CTNNA3: variants seen among roughly 807,000 people sequenced by gnomAD.
CTNNA3 encodes catenin alpha-3.
A neutral mutation model predicts 95.7 loss-of-function variants in CTNNA3; 76 were observed. The ratio of observed to expected loss-of-function variants is 0.79; its 90% CI spans 0.66 to 0.96. CTNNA3 has a LOEUF of 0.96. Ranked by LOEUF, CTNNA3 falls within the 40% of genes least tolerant of loss-of-function variation. CTNNA3 has a pLI of 0.00. For synonymous variants in CTNNA3, 431 were observed against 374.4 expected, an observed-to-expected ratio of 1.15 and a Z score of -1.74; for missense variants, 1,191 against 1,089.8, an observed-to-expected ratio of 1.09 and a Z score of -1.31.
At chr10:66,684,050 G>A (rs991259579) in intron 9 of CTNNA3, among the ~76,000 whole-genome samples, 1 of 152,154 alleles carries the variant, frequency 6.6e-6, no homozygotes, top group African/African-American at 2.4e-5. Context: ...AAAAGTAGGT[G>A]TGTCAATGAC....
intron 15 of CTNNA3, among the ~76,000 whole-genome samples, chr10:66,005,234 G>C (rs1426718708): frequency 1.3e-5 from 2 of 152,040 alleles, no homozygotes; most frequent in Non-Finnish European, 2.9e-5. Context: ...CTCCTCACAG[G>C]TTTTGGGAAT....
chr10:66,803,017 A>AT lies in CTNNA3; in HGVS notation c.1048-27494dup, dbSNP rs552546558. 3.0e-4 allele frequency among the ~76,000 whole-genome samples: 45 copies of AT among 151,094 alleles called. 1 individual carries two copies. In the South Asian group the frequency reaches 7.3e-3, roughly 25 times the overall value. On this transcript the variant is annotated intron_variant, in intron 7 of 17. Transcript: ENST00000433211. ...ACTTAATGGTATATCGGAAATATTC[A>AT]TTTTTTTTTAGAAATATGAGTTACA...
At chr10:67,754,605 A>G (rs752239472) in intron 1 of CTNNA3, among the ~76,000 whole-genome samples, 17 of 152,186 alleles carry the variant, frequency 1.1e-4, no homozygotes, top group Admixed American at 2.0e-4. Flanking sequence ...CATTGGGGAA[A>G]TGCTCCAGGA....
intron 5 of CTNNA3, among the ~76,000 whole-genome samples, chr10:67,336,402 G>A (rs1017218327): frequency 2.6e-5 from 4 of 152,178 alleles, no homozygotes; most frequent in Admixed American, 1.3e-4. Flanking sequence ...CAGAAGAAAA[G>A]TTGGAAGCTC....
chr10:67,527,100 T>C (rs1840167976), intron 4 of CTNNA3, among the ~76,000 whole-genome samples: 1 of 151,970 alleles, frequency 6.6e-6, no homozygotes, highest in South Asian at 2.1e-4. Flanking sequence ...TTATTAAAAA[T>C]ACAAAAATTA....
rs1261106363 is a variant in CTNNA3 at position 65,920,317 on chromosome 10, T to C, written c.*13A>G. 1 of 1,605,056 alleles carries C rather than the reference T, an allele frequency of 6.2e-7. No homozygotes were observed. The highest frequency in any genetic ancestry group is 8.5e-7 in the Non-Finnish European group (1 of 1,173,064). On this transcript the variant is annotated 3_prime_UTR_variant, in exon 18 of 18. Coordinates refer to ENST00000433211, the MANE Select transcript of CTNNA3 (RefSeq NM_013266.4). ...GATTTTGTCATATAGGCACTATATG[T>C]AGAATAGTGGTTTCAGTAGATTTGT... is the stretch of plus-strand genomic sequence containing the variant.
chr10:67,102,853 G>A lies in CTNNA3; in HGVS notation c.1047+77464C>T, dbSNP rs541491436. ...TTTTCCTCAGTCTATAGGAAATGAC[G>A]GTCTGATTCCAGGTTTTGAGTTGGT... On this transcript the variant is annotated intron_variant, in intron 7 of 17. Coordinates refer to ENST00000433211, the MANE Select transcript of CTNNA3 (RefSeq NM_013266.4). Among the ~76,000 whole-genome samples the A allele has an allele frequency of 2.0e-4, 30 of 151,828 alleles. No individual in the cohort carries two copies. In the South Asian group the frequency reaches 2.9e-3, roughly 15 times the overall value.
At chr10:67,683,506 G>A (rs1840666435) in intron 1 of CTNNA3, among the ~76,000 whole-genome samples, 1 of 152,210 alleles carries the variant, frequency 6.6e-6, no homozygotes. Flanking sequence ...GCTCCTCAAT[G>A]AGCTAACTCT....
intron 7 of CTNNA3, among the ~76,000 whole-genome samples, chr10:67,118,830 A>C (rs900150166): frequency 6.6e-6 from 1 of 151,936 alleles, no homozygotes; most frequent in African/African-American, 2.4e-5. Flanking sequence ...ATTATATCAT[A>C]ATTTGAAATA....
chr10:67,622,712 T>C (rs945551972), intron 2 of CTNNA3, among the ~76,000 whole-genome samples: 3 of 152,216 alleles, frequency 2.0e-5, no homozygotes, highest in Non-Finnish European at 4.4e-5. Context: ...TTCTCCACTA[T>C]TTGTGTCTTA....
chr10:66,927,356 C>A lies in CTNNA3; in HGVS notation c.1048-151832G>T. The stretch of plus-strand genomic sequence containing the variant: ...GATCTGTCCTATAATCAGCTGCATT[C>A]TCTGGGATCTGAACAGTTTCGGGGC... On this transcript the variant is annotated intron_variant, in intron 7 of 17. Transcript: ENST00000433211. This position sits in a 1 kb window ranked among gnomAD's most constrained non-coding sequence, Gnocchi z 4.7. 1.2e-6 allele frequency: 2 copies of A among 1,614,200 alleles called. No homozygotes were observed. The highest frequency in any genetic ancestry group is 8.5e-7 in the Non-Finnish European group (1 of 1,180,052).
chr10:66,537,783 C>A (rs1449290655), intron 10 of CTNNA3, among the ~76,000 whole-genome samples: 1 of 151,628 alleles, frequency 6.6e-6, no homozygotes. Flanking sequence ...TATAGTGAGA[C>A]CCCCATCCAT....
chr10:66,548,596 T>C (rs1057444611), intron 10 of CTNNA3, among the ~76,000 whole-genome samples: 2 of 152,184 alleles, frequency 1.3e-5, no homozygotes, highest in Non-Finnish European at 2.9e-5. Context: ...GTGAACATTT[T>C]CCATTGATTC....
chr10:66,030,043 A>G (rs1247274011), intron 15 of CTNNA3, among the ~76,000 whole-genome samples: 1 of 152,182 alleles, frequency 6.6e-6, no homozygotes, highest in Non-Finnish European at 1.5e-5. Flanking sequence ...TACAAGAACT[A>G]TAAAATACTG....
At chr10:66,735,383 T>C (rs4600111) in intron 9 of CTNNA3, among the ~76,000 whole-genome samples, 95,936 of 151,702 alleles carry the variant, frequency 0.63, 30,930 homozygotes, top group East Asian at 0.94. Flanking sequence ...ATACTACTCA[T>C]GACTAATGGT....
intron 9 of CTNNA3, among the ~76,000 whole-genome samples, chr10:66,702,437 G>A (rs1170483890): frequency 6.6e-6 from 1 of 151,952 alleles, no homozygotes; most frequent in African/African-American, 2.4e-5. Flanking sequence ...AATGGTTTTT[G>A]TCTTAGAAGT....
At chr10:67,380,312 AC>A (rs1265861551) in intron 5 of CTNNA3, among the ~76,000 whole-genome samples, 1 of 152,212 alleles carries the variant, frequency 6.6e-6, no homozygotes, top group East Asian at 1.9e-4. Context: ...AAAAAAGAGA[AC>A]ATACTATAAC....
chr10:67,363,023 A>G (rs11510884), intron 5 of CTNNA3, among the ~76,000 whole-genome samples: 15,562 of 152,058 alleles, frequency 0.1, 1,108 homozygotes, highest in Non-Finnish European at 0.17. Flanking sequence ...ATATCCACAC[A>G]CAAAAATAAA....
intron 9 of CTNNA3, among the ~76,000 whole-genome samples, chr10:66,734,825 T>A (rs1849078806): frequency 6.7e-6 from 1 of 149,002 alleles, no homozygotes; most frequent in Admixed American, 6.8e-5. Context: ...ACTGTGCCAC[T>A]GCACTCCAGC....
Sources: allele counts gnomAD v4.1 joint callset (sites outside exome capture counted in the v4.1 genomes callset), GRCh38; gene constraint gnomAD v4.1.1; non-coding constraint Gnocchi (gnomAD v3.1); transcripts MANE v1.5; gene names NCBI Gene and HGNC (gene_info 2026-07-23, HGNC 2026-07-21).